The following BTBD7 variants were observed in gnomAD, a reference collection of about 807,000 sequenced individuals.
BTBD7 encodes the protein BTB/POZ domain-containing protein 7.
Under a neutral mutation model 99.9 loss-of-function variants are expected in BTBD7, and 38 were observed. The observed-to-expected ratio is 0.38, with a 90% CI of 0.29 to 0.50. The LOEUF (loss-of-function observed/expected upper bound fraction) is 0.50, where lower values mean the gene tolerates loss of function less well. Among genes scored for constraint, BTBD7 ranks in the 20% least tolerant of loss-of-function variants. The pLI is 0.93. For missense variants in BTBD7, 1,170 were observed against 1,394.6 expected (o/e 0.84, Z 2.57); for synonymous variants, 520 against 511.4 (o/e 1.02, Z -0.23).
At chr14:93,279,192 A>C (rs1244824018) in intron 3 of BTBD7, among the ~76,000 whole-genome samples, 2 of 152,132 alleles carry the variant, frequency 1.3e-5, no homozygotes, top group Non-Finnish European at 2.9e-5. Flanking sequence ...GGATAAAGCC[A>C]ATTGTCTCAG....
At chr14:93,270,019 C>T (rs2052584731) in intron 3 of BTBD7, among the ~76,000 whole-genome samples, 1 of 152,236 alleles carries the variant, frequency 6.6e-6, no homozygotes, top group Non-Finnish European at 1.5e-5. Flanking sequence ...TGTTATACCA[C>T]TGAGGTTCTC....
chr14:93,287,304 C>A (rs1000635747), intron 3 of BTBD7, among the ~76,000 whole-genome samples: 1 of 150,950 alleles, frequency 6.6e-6, no homozygotes, highest in Non-Finnish European at 1.5e-5. Context: ...TAACACAATG[C>A]TAACCCTAAA....
rs761984759 is a variant in BTBD7, at chr14:93,294,457, G to A, written c.563C>T (p.Ala188Val). Residue 188 changes from alanine to valine, a missense_variant, in exon 3 of 11, where the codon GCT becomes GTT. Ala to Val is a moderately conservative substitution (Grantham distance 64). Coordinates refer to ENST00000334746, the MANE Select transcript of BTBD7 (RefSeq NM_001002860.4). ...GAEIIMDINT[A>V]GIDMPMFSAL... ...AGAAAACATGGGCATATCAATACCA[G>A]CTGTATTGATGTCCATTATTATCTC... 4 of 1,613,984 alleles carry A rather than the reference G, an allele frequency of 2.5e-6. No homozygotes were observed. The African/African-American group carries it at 4.0e-5, about 16-fold the overall frequency.
At position 93,242,888 on chromosome 14, in the gene BTBD7, T is replaced by G; in HGVS notation, c.2784A>C (p.Thr928=). The G allele has an allele frequency of 6.2e-7, 1 of 1,614,096 alleles. No individual in the cohort carries two copies. The highest frequency in any genetic ancestry group is 8.5e-7 in the Non-Finnish European group (1 of 1,180,018). Residue 928 remains threonine (T), a synonymous_variant, in exon 11 of 11, where the codon ACA becomes ACC. Coordinates refer to ENST00000334746, the MANE Select transcript of BTBD7 (RefSeq NM_001002860.4). ...CTCTGGTGTCTGTTTTTTGCTCTAG[T>G]GTGTGTTTTTTCCGAGAAGTGTGTG... ...RHTHTSRKKH[T]LEQKTDTREN...
At chr14:93,267,328 T>C (rs1039472409) in intron 3 of BTBD7, among the ~76,000 whole-genome samples, 1 of 152,216 alleles carries the variant, frequency 6.6e-6, no homozygotes, top group African/African-American at 2.4e-5. Context: ...AAAATCACTT[T>C]AGGCAAATCA....
intron 1 of BTBD7, among the ~76,000 whole-genome samples, chr14:93,297,797 C>G (rs1052853834): frequency 1.3e-5 from 2 of 151,788 alleles, no homozygotes; most frequent in African/African-American, 4.8e-5. Flanking sequence ...ACATTTAAAA[C>G]AAAAAACAGC....
intron 8 of BTBD7, among the ~76,000 whole-genome samples, chr14:93,251,029 GT>G (rs2052362715): frequency 6.6e-6 from 1 of 152,202 alleles, no homozygotes; most frequent in Non-Finnish European, 1.5e-5. Context: ...CTCAAAATGG[GT>G]GACTTTGTCC....
intron 1 of BTBD7, 92 bp downstream of exon 1, chr14:93,332,728 C>T: frequency 2.9e-6 from 4 of 1,385,778 alleles, no homozygotes; most frequent in Non-Finnish European, 3.7e-6. Flanking sequence ...CGCCCCCACG[C>T]CTAAGAACAG....
intron 3 of BTBD7, among the ~76,000 whole-genome samples, chr14:93,278,747 G>A (rs1057384956): frequency 2.2e-4 from 34 of 152,202 alleles, no homozygotes; most frequent in African/African-American, 7.7e-4. Context: ...ACATCATTAT[G>A]TGGTACATGA....
At chr14:93,279,103 T>C (rs1566846484) in intron 3 of BTBD7, among the ~76,000 whole-genome samples, 1 of 152,244 alleles carries the variant, frequency 6.6e-6, no homozygotes, top group Non-Finnish European at 1.5e-5. Flanking sequence ...GAACATTTCT[T>C]ACGGTCTTCA....
intron 3 of BTBD7, chr14:93,288,333 C>T (rs1566850308): frequency 1.7e-6 from 1 of 600,396 alleles, no homozygotes; most frequent in African/African-American, 1.9e-5. Context: ...CTCCACTCAT[C>T]TCTTTATTAT....
At chr14:93,331,925 G>A (rs2053429583) in intron 1 of BTBD7, among the ~76,000 whole-genome samples, 1 of 145,882 alleles carries the variant, frequency 6.9e-6, no homozygotes, top group African/African-American at 2.7e-5. Context: ...AAGTAATTCT[G>A]TAAAAATGTC....
intron 1 of BTBD7, among the ~76,000 whole-genome samples, chr14:93,321,358 C>A (rs777807602): frequency 1.5e-4 from 23 of 152,182 alleles, no homozygotes; most frequent in Non-Finnish European, 2.9e-4. Flanking sequence ...TTTCAGAGGC[C>A]TAGGCGGGTG....
chr14:93,264,270 T>C (rs1392068991), intron 3 of BTBD7, among the ~76,000 whole-genome samples: 3 of 151,972 alleles, frequency 2.0e-5, no homozygotes, highest in Non-Finnish European at 4.4e-5. Flanking sequence ...ACCAATAATG[T>C]GAGTAAGTCA....
chr14:93,316,404 T>C (rs1170063691), intron 1 of BTBD7, among the ~76,000 whole-genome samples: 11 of 152,042 alleles, frequency 7.2e-5, no homozygotes, highest in Non-Finnish European at 1.3e-4. Flanking sequence ...TATGCACCAC[T>C]GTGCCCAGCT....
At chr14:93,305,752 A>G (rs137871556) in intron 1 of BTBD7, among the ~76,000 whole-genome samples, 120 of 152,360 alleles carry the variant, frequency 7.9e-4, no homozygotes, top group East Asian at 3.9e-3. Context: ...CCGTAACAGA[A>G]TATCATAGAC....
In BTBD7 at chr14:93,313,020, CTAATTTGTTTGTAA is replaced by C. The variant is rs1020737620; in HGVS notation, c.-106-16877_-106-16864del. 7.9e-5 allele frequency among the ~76,000 whole-genome samples: 12 copies of C among 152,280 alleles called. No individual in the cohort carries two copies. In the South Asian group the frequency reaches 1.5e-3, roughly 18 times the overall value. On this transcript the variant is annotated intron_variant, in intron 1 of 10. Transcript: ENST00000334746. ...CCCCAGGGAGATCTGGCACAGCACC[CTAATTTGTTTGTAA>C]TAATTTGTTTGTAACATCAAACAAA...
chr14:93,244,158 G>C (rs776519390), intron 10 of BTBD7: 2 of 459,442 alleles, frequency 4.4e-6, no homozygotes, highest in Non-Finnish European at 8.5e-6. Context: ...ATGGTGGGCA[G>C]ACTAGGCTGA....
At chr14:93,250,477 G>A (rs1307515754) in intron 8 of BTBD7, among the ~76,000 whole-genome samples, 1 of 152,200 alleles carries the variant, frequency 6.6e-6, no homozygotes, top group African/African-American at 2.4e-5. Flanking sequence ...AACAACTGAA[G>A]AAAGTCATTA....
Sources: allele counts gnomAD v4.1 joint callset (sites outside exome capture counted in the v4.1 genomes callset), GRCh38; gene constraint gnomAD v4.1.1; transcripts MANE v1.5; gene names NCBI Gene and HGNC (gene_info 2026-07-23, HGNC 2026-07-21).